CGNL1: variants seen among roughly 807,000 people sequenced by gnomAD.
The protein encoded by CGNL1 is cingulin like 1, also known as cingulin-like protein 1.
Under a neutral mutation model 141.2 loss-of-function variants are expected in CGNL1, and 132 were observed. The observed-to-expected ratio is 0.93, with a 90% CI of 0.81 to 1.08. The LOEUF (loss-of-function observed/expected upper bound fraction) is 1.08, where lower values mean the gene tolerates loss of function less well. Ranked by LOEUF, CGNL1 falls within the 50% of genes least tolerant of loss-of-function variation. The pLI is 0.00. For missense variants in CGNL1, 1,870 were observed against 1,588.6 expected, an observed-to-expected ratio of 1.18 and a Z score of -3.01; for synonymous variants, 690 against 622.1, an observed-to-expected ratio of 1.11 and a Z score of -1.63.
chr15:57,406,538 T>C (rs760278288), intron 1 of CGNL1, among the ~76,000 whole-genome samples: 8 of 152,086 alleles, frequency 5.3e-5, no homozygotes, highest in Non-Finnish European at 8.8e-5. Flanking sequence ...GAACTTTCTG[T>C]GGAATTTGTT....
At chr15:57,402,702 T>A (rs1185277035) in intron 1 of CGNL1, 1 of 152,290 alleles carries the variant, frequency 6.6e-6, no homozygotes, top group Non-Finnish European at 1.5e-5. Flanking sequence ...GACTTGCATA[T>A]AGTAGGTGCT....
At chr15:57,476,092 TC>T (rs2063653289) in intron 8 of CGNL1, among the ~76,000 whole-genome samples, 1 of 152,114 alleles carries the variant, frequency 6.6e-6, no homozygotes, top group Non-Finnish European at 1.5e-5. Flanking sequence ...TCTCAACTCT[TC>T]CCCAGCCTAG....
At chr15:57,405,480 G>A (rs753102066) in intron 1 of CGNL1, among the ~76,000 whole-genome samples, 5 of 152,188 alleles carry the variant, frequency 3.3e-5, no homozygotes, top group Admixed American at 6.5e-5. Flanking sequence ...CCTTTGTGCT[G>A]TGATACTGTC....
chr15:57,410,134 C>T (rs2062770224), intron 1 of CGNL1, among the ~76,000 whole-genome samples: 2 of 152,136 alleles, frequency 1.3e-5, no homozygotes, highest in African/African-American at 2.4e-5. Context: ...GGGTCAGGCC[C>T]GAGGTAGCCT....
At chr15:57,413,206 T>TCTCTCTTTCTCTCTTC (rs2062811044) in intron 1 of CGNL1, among the ~76,000 whole-genome samples, 1 of 128,250 alleles carries the variant, frequency 7.8e-6, no homozygotes, top group South Asian at 2.7e-4. Flanking sequence ...TTTCTCTCTT[T>TCTCTCTTTCTCTCTTC]CTCTCTTCCT....
chr15:57,528,266 A>C (rs1238118694), intron 12 of CGNL1, among the ~76,000 whole-genome samples: 1 of 151,132 alleles, frequency 6.6e-6, no homozygotes, highest in South Asian at 2.1e-4. Context: ...CAAAAAAAAA[A>C]GACAAAAAAA....
rs1392976923 is a variant in CGNL1, at chr15:57,549,577, G to T, written c.*2087G>T. 3 of 152,186 alleles carry T rather than the reference G, an allele frequency of 2.0e-5. No homozygotes were observed. The highest frequency in any genetic ancestry group is 4.4e-5 in the Non-Finnish European group (3 of 68,060). The allele number at this position is 152,186 out of a possible 1,614,324, so 9.4% of individuals were successfully genotyped here. On this transcript the variant is annotated 3_prime_UTR_variant, in exon 19 of 19. Transcript: ENST00000281282. ...CTGCCTGCTTATGTGGGGTGTGGCCGATTCCTCCCTTTAGTCATTCATTCA... is the reference window on the plus strand; with the variant it reads ...CTGCCTGCTTATGTGGGGTGTGGCCTATTCCTCCCTTTAGTCATTCATTCA...
At chr15:57,415,698 A>G (rs1355888178) in intron 1 of CGNL1, among the ~76,000 whole-genome samples, 2 of 152,182 alleles carry the variant, frequency 1.3e-5, no homozygotes, top group Non-Finnish European at 2.9e-5. Flanking sequence ...CATGTCCTCC[A>G]TCACTCTTGT....
intron 12 of CGNL1, 35 bp from the exon 13 acceptor site, chr15:57,528,619 C>T: frequency 6.2e-7 from 1 of 1,610,492 alleles, no homozygotes; most frequent in Non-Finnish European, 8.5e-7. Context: ...TCTTGATGCA[C>T]CCCAGAAAAC....
chr15:57,494,839 C>G (rs1476586956), intron 8 of CGNL1, among the ~76,000 whole-genome samples: 2 of 152,218 alleles, frequency 1.3e-5, no homozygotes, highest in Non-Finnish European at 2.9e-5. Context: ...AGCTCAGACA[C>G]TGGCGTGTTT....
rs116483947 is a variant in CGNL1, at chr15:57,441,648, C to T, written c.1698-725C>T. On this transcript the variant is annotated intron_variant, in intron 3 of 18. Coordinates refer to ENST00000281282, the MANE Select transcript of CGNL1 (RefSeq NM_032866.5). ...CCTCCCAAAGTGCTGAGATGACAGACGTGAGCCACCGCACCTGGCCAAAAT... is the reference window on the plus strand; with the variant it reads ...CCTCCCAAAGTGCTGAGATGACAGATGTGAGCCACCGCACCTGGCCAAAAT... Among the ~76,000 whole-genome samples, 963 of 152,284 alleles carry T rather than the reference C, an allele frequency of 6.3e-3. 9 individuals carry two copies. The highest frequency in any genetic ancestry group is 0.022 in the African/African-American group (899 of 41,566).
chr15:57,499,455 C>G (rs1293753818), intron 8 of CGNL1, among the ~76,000 whole-genome samples: 1 of 151,964 alleles, frequency 6.6e-6, no homozygotes, highest in Non-Finnish European at 1.5e-5. Context: ...CCAAGCTGGT[C>G]TGAAACTCCT....
At chr15:57,409,298 G>A (rs1483058755) in intron 1 of CGNL1, among the ~76,000 whole-genome samples, 1 of 152,216 alleles carries the variant, frequency 6.6e-6, no homozygotes, top group East Asian at 1.9e-4. Flanking sequence ...GCGCAGGGGA[G>A]GCACATGGGC....
chr15:57,471,735 C>T (rs953469151), intron 8 of CGNL1, among the ~76,000 whole-genome samples: 9 of 152,132 alleles, frequency 5.9e-5, no homozygotes, highest in Non-Finnish European at 1.3e-4. Context: ...ACTCAGATTT[C>T]GTGTTCAATA....
intron 8 of CGNL1, among the ~76,000 whole-genome samples, chr15:57,515,231 C>T (rs1284760032): frequency 1.3e-5 from 2 of 152,232 alleles, no homozygotes; most frequent in Non-Finnish European, 2.9e-5. Flanking sequence ...TTAGTTTTCT[C>T]CTAGCAACGC....
chr15:57,451,820 C>T (rs557954333), intron 5 of CGNL1, among the ~76,000 whole-genome samples: 2 of 151,852 alleles, frequency 1.3e-5, no homozygotes, highest in East Asian at 3.9e-4. Flanking sequence ...TTTGCTTAGA[C>T]AGAGTAAAAG....
intron 8 of CGNL1, among the ~76,000 whole-genome samples, chr15:57,473,146 T>A (rs1379185145): frequency 6.6e-6 from 1 of 152,214 alleles, no homozygotes; most frequent in African/African-American, 2.4e-5. Context: ...ATAAATAGCC[T>A]GGGACAGTCA....
chr15:57,423,951 C>T (rs956733344), intron 1 of CGNL1, among the ~76,000 whole-genome samples: 2 of 152,238 alleles, frequency 1.3e-5, no homozygotes, highest in Non-Finnish European at 2.9e-5. Flanking sequence ...TCCATCCTCG[C>T]TTCTCCATCT....
chr15:57,507,614 TA>T (rs2064120752), intron 8 of CGNL1, among the ~76,000 whole-genome samples: 7 of 152,156 alleles, frequency 4.6e-5, no homozygotes, highest in Admixed American at 4.6e-4. Context: ...AGGATGTAAA[TA>T]AAATCTTCAT....
Sources: allele counts gnomAD v4.1 joint callset (sites outside exome capture counted in the v4.1 genomes callset), GRCh38; gene constraint gnomAD v4.1.1; transcripts MANE v1.5; gene names NCBI Gene and HGNC (gene_info 2026-07-23, HGNC 2026-07-21).